REV3L: variants seen among roughly 807,000 people sequenced by gnomAD.
REV3L encodes REV3 like, DNA directed polymerase zeta catalytic subunit.
A neutral mutation model predicts 299.4 loss-of-function variants in REV3L; 69 were observed. The ratio of observed to expected loss-of-function variants is 0.23; its 90% CI spans 0.19 to 0.28. The LOEUF is 0.28. REV3L is among the 10% of genes least tolerant of loss of function. The pLI is 1.00. For synonymous variants in REV3L, 1,238 were observed against 1,271.4 expected (o/e 0.97, Z 0.56); for missense variants, 3,128 against 3,693.8 (o/e 0.85, Z 3.97).
chr6:111,356,308 G>A (rs955859106), intron 18 of REV3L, among the ~76,000 whole-genome samples: 2 of 151,774 alleles, frequency 1.3e-5, no homozygotes, highest in African/African-American at 2.4e-5. Context: ...TAATAAGAGA[G>A]TCCATGGCTA....
At chr6:111,338,854 T>C (rs1310408024) in intron 21 of REV3L, among the ~76,000 whole-genome samples, 4 of 152,312 alleles carry the variant, frequency 2.6e-5, no homozygotes, top group African/African-American at 9.6e-5. Flanking sequence ...AAATGGTTTA[T>C]TTCACATTTT....
At chr6:111,451,001 A>T (rs1477122269) in intron 1 of REV3L, among the ~76,000 whole-genome samples, 6 of 152,246 alleles carry the variant, frequency 3.9e-5, no homozygotes, top group African/African-American at 1.4e-4. Context: ...GATAAGGCAG[A>T]AAGGAGACAG....
intron 9 of REV3L, among the ~76,000 whole-genome samples, chr6:111,386,306 T>A (rs1051343549): frequency 1.9e-4 from 29 of 152,144 alleles, no homozygotes; most frequent in Admixed American, 1.9e-3. Context: ...CTAAAATGAA[T>A]GAACAAGGAT....
chr6:111,418,593 G>A (rs1168635857), intron 1 of REV3L, among the ~76,000 whole-genome samples: 1 of 152,184 alleles, frequency 6.6e-6, no homozygotes, highest in East Asian at 1.9e-4. Flanking sequence ...TTGCAGTATT[G>A]ATGGAGGTTA....
intron 4 of REV3L, 166 bp downstream of exon 4, chr6:111,405,304 T>C: frequency 2.0e-6 from 1 of 494,764 alleles, no homozygotes; most frequent in Non-Finnish European, 3.2e-6. Flanking sequence ...CTGAGATGCT[T>C]TTCCTGACAA....
chr6:111,387,446 G>A (rs1366761547), intron 9 of REV3L, among the ~76,000 whole-genome samples: 1 of 152,036 alleles, frequency 6.6e-6, no homozygotes, highest in Non-Finnish European at 1.5e-5. Flanking sequence ...ATAATGCTGA[G>A]TGAAAAAAGC....
chr6:111,461,425 A>G (rs925451948), intron 1 of REV3L, among the ~76,000 whole-genome samples: 2 of 152,146 alleles, frequency 1.3e-5, no homozygotes, highest in Non-Finnish European at 1.5e-5. Flanking sequence ...TAAGAGAGTA[A>G]AAAAGTTTAA....
chr6:111,318,065 T>C (rs1713777450), intron 26 of REV3L, among the ~76,000 whole-genome samples: 1 of 151,996 alleles, frequency 6.6e-6, no homozygotes, highest in Non-Finnish European at 1.5e-5. Flanking sequence ...AGTTTTTGTG[T>C]GGACATAGGT....
At chr6:111,476,287 C>T (rs1401810605) in intron 1 of REV3L, among the ~76,000 whole-genome samples, 1 of 152,180 alleles carries the variant, frequency 6.6e-6, no homozygotes, top group Non-Finnish European at 1.5e-5. Context: ...TCCCAAGTAG[C>T]TGGAACCACA....
intron 1 of REV3L, among the ~76,000 whole-genome samples, chr6:111,445,147 A>T (rs1298275298): frequency 1.3e-5 from 2 of 152,186 alleles, no homozygotes. Flanking sequence ...CCACTTAAAA[A>T]CTCAATGAGA....
At chr6:111,412,350 G>T (rs575068778) in intron 2 of REV3L, 2 of 736,260 alleles carry the variant, frequency 2.7e-6, no homozygotes, top group Non-Finnish European at 3.3e-6. Flanking sequence ...AGAAATCCTC[G>T]GTGCAAGATG....
At position 111,299,409 on chromosome 6, in the gene REV3L, A is replaced by AAT. The variant is rs1562466899; in HGVS notation, c.*606_*607insAT. The AAT allele has an allele frequency of 3.1e-4, 41 of 134,214 alleles. No homozygotes were observed. The highest frequency in any genetic ancestry group is 9.9e-4 in the African/African-American group (38 of 38,384). 8.3% of individuals were successfully genotyped at this position (134,214 alleles called of 1,614,324 possible). ...AAGCAAGACAGCATTTTTTAAAAAA[A>AAT]AATAATGTTTCAAAATGCTACACGT... is the stretch of plus-strand genomic sequence containing the variant. On this transcript the variant is annotated 3_prime_UTR_variant, in exon 32 of 32. Transcript: ENST00000368802.
intron 1 of REV3L, chr6:111,460,274 G>C (rs1424135159): frequency 2.0e-5 from 3 of 152,128 alleles, no homozygotes; most frequent in Non-Finnish European, 2.9e-5. Context: ...CAAGATGGGA[G>C]AGGGAGGCAA....
Position 111,373,307 on chromosome 6 carries a change from T to C in REV3L, c.5048A>G (p.Gln1683Arg). The change falls in exon 13 of 32, where the codon CAG becomes CGG. Residue 1683 changes from glutamine to arginine, a missense_variant. Physicochemically the swap from Gln to Arg is conservative, Grantham distance 43. Transcript: ENST00000368802. ...LPQKFLSDAVQDLFPGQAIEK... is the reference protein window; with the variant it reads ...LPQKFLSDAVRDLFPGQAIEK... The stretch of plus-strand genomic sequence containing the variant: ...TATAGCTTGTCCTGGAAAAAGATCC[T>C]GAACAGCATCACTTAGGAACTTCTG... 1 of 1,614,114 alleles carries C rather than the reference T, an allele frequency of 6.2e-7. No individual in the cohort carries two copies. Among genetic ancestry groups the C allele is most frequent in the Non-Finnish European group, 8.5e-7 (1 of 1,179,992 alleles).
intron 21 of REV3L, among the ~76,000 whole-genome samples, chr6:111,338,134 T>C (rs976704616): frequency 1.3e-5 from 2 of 152,126 alleles, no homozygotes; most frequent in Admixed American, 6.6e-5. Context: ...ATTACACATA[T>C]ATAAGAATCT....
intron 1 of REV3L, among the ~76,000 whole-genome samples, chr6:111,437,980 G>C (rs1034232733): frequency 6.6e-6 from 1 of 151,654 alleles, no homozygotes; most frequent in Admixed American, 6.6e-5. Context: ...AGCCTCTCGA[G>C]TAGCTGGAAC....
chr6:111,302,963 A>G (rs1170410591), intron 31 of REV3L, among the ~76,000 whole-genome samples: 1 of 152,124 alleles, frequency 6.6e-6, no homozygotes, highest in Non-Finnish European at 1.5e-5. Context: ...TTTATGATTA[A>G]CAGTGTTAAG....
rs1173827818 is a variant in REV3L, at chr6:111,376,518, A to C, written c.1837T>G (p.Ser613Ala). 2 of 1,612,974 alleles carry C rather than the reference A, an allele frequency of 1.2e-6. No individual in the cohort carries two copies. Among genetic ancestry groups the C allele is most frequent in the South Asian group, 2.2e-5 (2 of 90,816 alleles). Reference protein sequence around the residue: ...NKNTEKGLDNSVTSFTNESTY... With the variant: ...NKNTEKGLDNAVTSFTNESTY... ...CTTTCGTTTGTAAAAGAAGTGACTGAGTTATCTAGACCTTTTTCTGTATTT... is the reference window on the plus strand; with the variant it reads ...CTTTCGTTTGTAAAAGAAGTGACTGCGTTATCTAGACCTTTTTCTGTATTT... The change falls in exon 13 of 32, where the codon TCA becomes GCA. Residue 613 changes from serine to alanine, a missense_variant. This residue lies in a region of REV3L where 2,409 missense variants were observed against 2,611.8 expected (regional missense o/e 0.92). Transcript: ENST00000368802.
At chr6:111,356,828 T>G (rs529916763) in intron 18 of REV3L, 186 bp downstream of exon 18, 4 of 323,330 alleles carry the variant, frequency 1.2e-5, no homozygotes, top group Non-Finnish European at 1.7e-5. Flanking sequence ...CTATCCCTTG[T>G]CTGATGAAAA....
Sources: allele counts gnomAD v4.1 joint callset (sites outside exome capture counted in the v4.1 genomes callset), GRCh38; gene constraint gnomAD v4.1.1; regional missense constraint gnomAD v4.1.1; transcripts MANE v1.5; gene names NCBI Gene and HGNC (gene_info 2026-07-23, HGNC 2026-07-21).